Variants in ZNF780B observed in about 807,000 individuals in gnomAD.
The protein encoded by ZNF780B is zinc finger protein 779.
A neutral mutation model predicts 74.1 loss-of-function variants in ZNF780B; 52 were observed. That is an observed-to-expected ratio of 0.70 (90% CI 0.56 to 0.88). The LOEUF (loss-of-function observed/expected upper bound fraction) is 0.88. ZNF780B is among the 40% of genes least tolerant of loss of function. ZNF780B has a pLI of 0.00. For missense variants in ZNF780B, 953 were observed against 1,007.6 expected (o/e 0.95, Z 0.73); for synonymous variants, 315 against 324.3 (o/e 0.97, Z 0.31).
At chr19:40,053,906 G>T (rs548702680) in intron 1 of ZNF780B, among the ~76,000 whole-genome samples, 1 of 152,312 alleles carries the variant, frequency 6.6e-6, no homozygotes, top group Non-Finnish European at 1.5e-5. Context: ...TTTCGAAAGC[G>T]GAGGCGAAGG....
At chr19:40,049,058 T>G in intron 2 of ZNF780B, 3 of 352,920 alleles carry the variant, frequency 8.5e-6, no homozygotes, top group South Asian at 4.9e-5. Flanking sequence ...ATGCACTCCC[T>G]GGAAAAAAAA....
intron 2 of ZNF780B, 60 bp from the exon 3 acceptor site, chr19:40,048,856 G>A: frequency 3.1e-6 from 5 of 1,607,582 alleles, no homozygotes; most frequent in Non-Finnish European, 4.2e-6. Context: ...AAGACGAAAG[G>A]AGAGGAAGTG....
At chr19:40,054,592 C>A (rs770347954) in intron 1 of ZNF780B, among the ~76,000 whole-genome samples, 94 of 152,320 alleles carry the variant, frequency 6.2e-4, no homozygotes, top group Admixed American at 1.8e-3. Flanking sequence ...AAGCAGCAAT[C>A]ACAATGAATC....
intron 4 of ZNF780B, among the ~76,000 whole-genome samples, chr19:40,037,218 ATTTTT>A (rs562892051): frequency 7.6e-6 from 1 of 131,814 alleles, no homozygotes. Flanking sequence ...CCTGGCCTCT[ATTTTT>A]TTTTTTTTTT....
intron 4 of ZNF780B, 32 bp downstream of exon 4, chr19:40,047,343 G>A: frequency 1.3e-6 from 2 of 1,561,006 alleles, no homozygotes; most frequent in Non-Finnish European, 1.8e-6. Context: ...GGACAATGAT[G>A]GCTTCCCCCT....
Position 40,047,417 on chromosome 19 carries a change from G to C in ZNF780B, c.190C>G (p.Pro64Ala), listed in dbSNP as rs955543556. The C allele has an allele frequency of 3.1e-6, 5 of 1,613,724 alleles. No individual in the cohort carries two copies. The African/African-American group carries it at 6.7e-5, about 22-fold the overall frequency. ...GTTTCTTTACTTACAACAATCCAGGGCTCTTTCTCTTGCTCTAGTAATGTA... is the reference window on the plus strand; with the variant it reads ...GTTTCTTTACTTACAACAATCCAGGCCTCTTTCTCTTGCTCTAGTAATGTA... Reference protein sequence around the residue: ...VITLLEQEKEPWIVVSKETSR... With the variant: ...VITLLEQEKEAWIVVSKETSR... Residue 64 changes from proline to alanine, a missense_variant, in exon 4 of 5, where the codon CCC (proline) becomes GCC (alanine). By Grantham distance (27) the Pro-to-Ala change is conservative. Transcript: ENST00000434248.
chr19:40,045,097 A>G (rs1757429376), intron 4 of ZNF780B, among the ~76,000 whole-genome samples: 6 of 152,244 alleles, frequency 3.9e-5, no homozygotes, highest in Admixed American at 3.9e-4. Context: ...GCAAAAAGAG[A>G]CAAAGAAGGT....
intron 1 of ZNF780B, among the ~76,000 whole-genome samples, chr19:40,051,489 G>A (rs1599798338): frequency 6.6e-6 from 1 of 151,836 alleles, no homozygotes; most frequent in Non-Finnish European, 1.5e-5. Flanking sequence ...ATGTATGTTA[G>A]TACAATTTCT....
At chr19:40,039,761 G>A (rs1186309378) in intron 4 of ZNF780B, among the ~76,000 whole-genome samples, 5 of 152,148 alleles carry the variant, frequency 3.3e-5, no homozygotes, top group Non-Finnish European at 7.4e-5. Flanking sequence ...CATTGATTTT[G>A]TATCCTGAAA....
chr19:40,037,097 T>C (rs886069898), intron 4 of ZNF780B, among the ~76,000 whole-genome samples: 10 of 152,088 alleles, frequency 6.6e-5, no homozygotes, highest in Non-Finnish European at 1.3e-4. Flanking sequence ...GTATTTTTAG[T>C]AGAGACGAGG....
At chr19:40,047,299 G>C in intron 4 of ZNF780B, 76 bp downstream of exon 4, 1 of 1,277,160 alleles carries the variant, frequency 7.8e-7, no homozygotes. Context: ...ACATCTCAGG[G>C]GTGTGACTCC....
intron 1 of ZNF780B, among the ~76,000 whole-genome samples, chr19:40,050,704 G>T (rs572710671): frequency 6.6e-6 from 1 of 152,354 alleles, no homozygotes; most frequent in African/African-American, 2.4e-5. Context: ...CTTGGCCTAG[G>T]ACTGGGCCTC....
In ZNF780B at chr19:40,036,329, C is replaced by T; in HGVS notation, c.530G>A (p.Gly177Asp). 1 of 1,613,872 alleles carries T rather than the reference C, an allele frequency of 6.2e-7. No individual in the cohort carries two copies. Among genetic ancestry groups the T allele is most frequent in the Non-Finnish European group, 8.5e-7 (1 of 1,179,964 alleles). Residue 177 changes from glycine (G) to aspartate (D), a missense_variant, in exon 5 of 5, where the codon GGT (glycine) becomes GAT (aspartate). Coordinates refer to ENST00000434248, the MANE Select transcript of ZNF780B (RefSeq NM_001005851.3). ...ACTCTGATGCTGAATAAGATTTGAACCACAACTAAAGTATTTCCCACATTC... is the reference window on the plus strand; with the variant it reads ...ACTCTGATGCTGAATAAGATTTGAATCACAACTAAAGTATTTCCCACATTC... ...CKECGKYFSC[G>D]SNLIQHQSIH... is the part of the protein sequence containing the mutation.
chr19:40,046,958 G>T (rs1303150481), intron 4 of ZNF780B, among the ~76,000 whole-genome samples: 1 of 152,220 alleles, frequency 6.6e-6, no homozygotes, highest in Non-Finnish European at 1.5e-5. Flanking sequence ...TACACTGGGG[G>T]CCAGAAGCAT....
chr19:40,047,233 T>C, intron 4 of ZNF780B, 142 bp downstream of exon 4: 1 of 706,388 alleles, frequency 1.4e-6, no homozygotes, highest in Non-Finnish European at 2.6e-6. Flanking sequence ...TTCCCAGGTC[T>C]TGGGCATTTT....
rs1972274765 is a variant in ZNF780B, at chr19:40,035,950, T to A, written c.909A>T (p.Lys303Asn). Residue 303 changes from lysine (K) to asparagine (N), a missense_variant, in exon 5 of 5, where the codon AAA becomes AAT. By Grantham distance (94) the Lys-to-Asn change is moderately conservative. Transcript: ENST00000434248. ...TCTCACATTCCCTACATACAAAGGG[T>A]TTCTCATTGGAATGAATTTTTTGAT... Reference protein sequence around the residue: ...IQHQKIHSNEKPFVCRECEMA... With the variant: ...IQHQKIHSNENPFVCRECEMA... 6.2e-7 allele frequency: 1 copy of A among 1,613,604 alleles called. No individual in the cohort carries two copies. The highest frequency in any genetic ancestry group is 1.7e-5 in the Admixed American group (1 of 59,954).
rs201393134 is a variant in ZNF780B, at chr19:40,047,374, C to G, written c.232+1G>C. 4.0e-5 allele frequency: 64 copies of G among 1,612,060 alleles called. No homozygotes were observed. Among genetic ancestry groups the G allele is most frequent in the Non-Finnish European group, 5.3e-5 (63 of 1,178,392 alleles). On this transcript the variant is annotated splice_donor_variant, in intron 4 of 4. Transcript: ENST00000434248. LOFTEE classifies it high-confidence loss of function. ...CCCCTGCCTGCTTTACTCTCACTTA[C>G]CTGGATACCATCTGCTTGTTTCTTT...
At chr19:40,055,744 A>T (rs1035989089) in intron 1 of ZNF780B, among the ~76,000 whole-genome samples, 1 of 152,062 alleles carries the variant, frequency 6.6e-6, no homozygotes, top group African/African-American at 2.4e-5. Flanking sequence ...CCGAGTCCAG[A>T]TCTGCGCCTT....
At position 40,036,158 on chromosome 19, in the gene ZNF780B, G is replaced by C. The variant is rs370154602; in HGVS notation, c.701C>G (p.Thr234Ser). 19 of 1,613,810 alleles carry C rather than the reference G, an allele frequency of 1.2e-5. No individual in the cohort carries two copies. The African/African-American group carries it at 2.4e-4, about 20-fold the overall frequency. Reference sequence around the variant, plus strand: ...AATGTTCTTATGGCGATTAAGCTGGGTGGGAAGATTAAAGGCTTTTCCACA... The same window carrying C: ...AATGTTCTTATGGCGATTAAGCTGGCTGGGAAGATTAAAGGCTTTTCCACA... ...KECGKAFNLP[T>S]QLNRHKNIHT... Residue 234 changes from threonine to serine, a missense_variant, in exon 5 of 5, where the codon ACC (threonine) becomes AGC (serine). Thr to Ser is a moderately conservative substitution (Grantham distance 58). Transcript: ENST00000434248.
Sources: gnomAD v4.1 joint callset for allele counts (sites outside exome capture counted in the v4.1 genomes callset) on GRCh38, gnomAD v4.1.1 for gene constraint, MANE v1.5 for transcripts, NCBI Gene and HGNC (gene_info 2026-07-23, HGNC 2026-07-21) for gene names.